WNT7B: variants seen among roughly 807,000 people sequenced by gnomAD.
WNT7B encodes the protein protein Wnt-7b.
A neutral mutation model predicts 38.2 loss-of-function variants in WNT7B; 19 were observed. That is an observed-to-expected ratio of 0.50 (90% CI 0.35 to 0.73). The LOEUF (loss-of-function observed/expected upper bound fraction) is 0.73. WNT7B is among the 30% of genes least tolerant of loss of function. The pLI, the probability that WNT7B is intolerant of heterozygous loss-of-function variation, is 0.01. For synonymous variants in WNT7B, 243 were observed against 209.3 expected (o/e 1.16, Z -1.39); for missense variants, 423 against 507.9 (o/e 0.83, Z 1.61).
chr22:45,935,552 C>G (rs1167341832), intron 2 of WNT7B, among the ~76,000 whole-genome samples: 2 of 152,202 alleles, frequency 1.3e-5, no homozygotes, highest in Non-Finnish European at 2.9e-5. Flanking sequence ...GAGGGAGGCT[C>G]CCTCCTCCCC....
At position 45,939,645 on chromosome 22, in the gene WNT7B, ACACT is replaced by A. The variant is rs761186602; in HGVS notation, c.299-8280_299-8277del. On this transcript the variant is annotated intron_variant, in intron 2 of 3. Coordinates refer to ENST00000339464, the MANE Select transcript of WNT7B (RefSeq NM_058238.3). ...CCTGTCTCTACAAACACACACACAC[ACACT>A]CACACACACACACACACACACAAAA... Among the ~76,000 whole-genome samples, 98 of 143,050 alleles carry A rather than the reference ACACT, an allele frequency of 6.9e-4. 1 individual carries two copies. Among genetic ancestry groups the A allele is most frequent in the African/African-American group, 2.1e-3 (71 of 33,800 alleles). The allele number at this position is 143,050 out of a possible 152,430, so 93.8% of individuals were successfully genotyped here.
intron 3 of WNT7B, chr22:45,927,013 C>T (rs1931106039): frequency 1.3e-5 from 13 of 985,460 alleles, no homozygotes; most frequent in Non-Finnish European, 1.6e-5. Flanking sequence ...TGGAACTCCA[C>T]AGCGATAGCT....
At chr22:45,933,763 G>C (rs190391229) in intron 2 of WNT7B, among the ~76,000 whole-genome samples, 1 of 152,330 alleles carries the variant, frequency 6.6e-6, no homozygotes, top group Non-Finnish European at 1.5e-5. Flanking sequence ...TGTGTGTGGT[G>C]TATGTGTGGC....
rs1369494974 is a variant in WNT7B at position 45,976,961 on chromosome 22, G to A, written c.-207C>T. ...GCCGCCGCCACCGCCGCGTGAGCCC[G>A]GGGAATTGACCCAGGCTGGGGGCCG... On this transcript the variant is annotated 5_prime_UTR_variant, in exon 1 of 4. Coordinates refer to ENST00000339464, the MANE Select transcript of WNT7B (RefSeq NM_058238.3). The surrounding 1 kb of genome is among the most constrained non-coding windows in gnomAD (Gnocchi z 8.5). The A allele has an allele frequency of 5.1e-6, 5 of 987,874 alleles. No homozygotes were observed. In the Admixed American group the frequency reaches 1.8e-4, roughly 36 times the overall value. The allele number at this position is 987,874 out of a possible 1,614,324, so 61.2% of individuals were successfully genotyped here.
chr22:45,961,500 G>T (rs1248451554), intron 1 of WNT7B, among the ~76,000 whole-genome samples: 3 of 152,070 alleles, frequency 2.0e-5, no homozygotes, highest in African/African-American at 7.2e-5. Flanking sequence ...CCCCTGGCTG[G>T]TCCTTGCCAG....
intron 1 of WNT7B, among the ~76,000 whole-genome samples, chr22:45,953,640 G>C (rs1206969702): frequency 2.6e-5 from 4 of 151,030 alleles, no homozygotes; most frequent in African/African-American, 9.7e-5. Flanking sequence ...TGGAGAAGAC[G>C]CTCAACCTCA....
intron 1 of WNT7B, among the ~76,000 whole-genome samples, chr22:45,952,459 G>A (rs2146735213): frequency 6.6e-6 from 1 of 152,330 alleles, no homozygotes; most frequent in East Asian, 1.9e-4. Context: ...GCATCTGGAT[G>A]GGTGGGGCTG....
intron 3 of WNT7B, among the ~76,000 whole-genome samples, chr22:45,929,677 C>T (rs1569111227): frequency 1.7e-5 from 2 of 117,480 alleles, no homozygotes; most frequent in Non-Finnish European, 3.7e-5. Flanking sequence ...CCCATCCTTC[C>T]CTCCATACTT....
intron 2 of WNT7B, 98 bp from the exon 3 acceptor site, chr22:45,931,467 T>C: frequency 1.5e-6 from 2 of 1,375,524 alleles, no homozygotes; most frequent in Admixed American, 2.6e-5. Flanking sequence ...TGCTGTTGGC[T>C]GGTTGTGTGA....
intron 1 of WNT7B, chr22:45,972,073 C>T (rs1932455483): frequency 3.8e-6 from 2 of 527,340 alleles, no homozygotes; most frequent in African/African-American, 2.0e-5. Context: ...CTCGCTGCCG[C>T]GTTCCCTGCC....
At chr22:45,968,056 C>T (rs978053579) in intron 1 of WNT7B, among the ~76,000 whole-genome samples, 4 of 152,156 alleles carry the variant, frequency 2.6e-5, no homozygotes, top group Non-Finnish European at 5.9e-5. Context: ...GGCATCCCAT[C>T]GGCCCACCTC....
Position 45,963,121 on chromosome 22 carries a change from C to T in WNT7B, c.72-12975G>A, listed in dbSNP as rs73446561. On this transcript the variant is annotated intron_variant, in intron 1 of 3. Transcript: ENST00000339464. ...TCCTTCCAGGAACAGATGGGAGCCA[C>T]GCCCAGTCCATGCCTGGGCCACACA... Among the ~76,000 whole-genome samples, 907 of 152,276 alleles carry T rather than the reference C, an allele frequency of 6.0e-3. 11 individuals carry two copies. Among genetic ancestry groups the T allele is most frequent in the African/African-American group, 0.021 (864 of 41,562 alleles).
At chr22:45,927,602 G>A in intron 3 of WNT7B, 3 of 946,354 alleles carry the variant, frequency 3.2e-6, no homozygotes, top group Non-Finnish European at 5.0e-6. Context: ...GTCCATATAA[G>A]AGATGGAACA....
In WNT7B at chr22:45,923,237, C is replaced by T. The variant is rs1007314051; in HGVS notation, c.669G>A (p.Glu223=). 6.8e-6 allele frequency: 11 copies of T among 1,613,488 alleles called. No homozygotes were observed. The African/African-American group carries it at 1.3e-4, about 20-fold the overall frequency. The change falls in exon 4 of 4, where the codon GAG becomes GAA. Residue 223 remains glutamate (E), a synonymous_variant. Coordinates refer to ENST00000339464, the MANE Select transcript of WNT7B (RefSeq NM_058238.3). ...ACTTCTCCTTCAGCAGGTGGCCCAC[C>T]TCTCGGAACTTGGGCAGCGTGGTCC... ...TCWTTLPKFR[E]VGHLLKEKYN...
intron 3 of WNT7B, chr22:45,926,839 T>A (rs557461347): frequency 3.8e-5 from 37 of 985,016 alleles, no homozygotes; most frequent in African/African-American, 8.7e-5. Context: ...AGAAGGAGAG[T>A]GTGGAGGGTG....
chr22:45,931,194 G>A lies in WNT7B; in HGVS notation c.474C>T (p.Tyr158=), dbSNP rs139157036. 1.6e-5 allele frequency: 25 copies of A among 1,599,542 alleles called. No individual in the cohort carries two copies. The highest frequency in any genetic ancestry group is 1.7e-4 in the Middle Eastern group (1 of 6,044). Residue 158 remains tyrosine (Y), a synonymous_variant, in exon 3 of 4, where the codon TAC becomes TAT. Transcript: ENST00000339464. ...KWGGCSADVR[Y]GIDFSRRFVD... ...CGAAGCGCCGGGAGAAGTCGATGCC[G>A]TAACGCACGTCGGCCGAGCAGCCGC... is the stretch of plus-strand genomic sequence containing the variant.
chr22:45,954,494 T>C (rs1932015553), intron 1 of WNT7B, among the ~76,000 whole-genome samples: 1 of 152,154 alleles, frequency 6.6e-6, no homozygotes, highest in Non-Finnish European at 1.5e-5. Context: ...AGGACCCAAT[T>C]GAAGGGGATG....
Position 45,976,946 on chromosome 22 carries a change from C to T in WNT7B, c.-192G>A. On this transcript the variant is annotated 5_prime_UTR_variant, in exon 1 of 4. The change creates a new upstream start codon in the 5' untranslated region. Coordinates refer to ENST00000339464, the MANE Select transcript of WNT7B (RefSeq NM_058238.3). The surrounding 1 kb of genome is among the most constrained non-coding windows in gnomAD (Gnocchi z 8.5). ...TGAGCCCGGGATGCCGCCGCCGCCA[C>T]CGCCGCGTGAGCCCGGGGAATTGAC... 5 of 988,728 alleles carry T rather than the reference C, an allele frequency of 5.1e-6. No homozygotes were observed. Among genetic ancestry groups the T allele is most frequent in the Non-Finnish European group, 6.0e-6 (5 of 832,698 alleles). 61.2% of individuals were successfully genotyped at this position (988,728 alleles called of 1,614,324 possible).
At chr22:45,930,255 G>T (rs56763836) in intron 3 of WNT7B, among the ~76,000 whole-genome samples, 27,242 of 152,280 alleles carry the variant, frequency 0.18, 2,591 homozygotes, top group Middle Eastern at 0.24. Context: ...GAAAAGGGCA[G>T]TGAGTGACCA....
Sources: gnomAD v4.1 joint callset for allele counts (sites outside exome capture counted in the v4.1 genomes callset) on GRCh38, gnomAD v4.1.1 for gene constraint, Gnocchi (gnomAD v3.1) non-coding constraint, MANE v1.5 for transcripts, NCBI Gene and HGNC (gene_info 2026-07-23, HGNC 2026-07-21) for gene names.